Variants in RBFOX1 observed in about 807,000 individuals in gnomAD.
The protein encoded by RBFOX1 is RNA binding protein fox-1 homolog 1.
In RBFOX1, 8 loss-of-function variants were observed where a neutral mutation model predicts 57.7. The ratio of observed to expected loss-of-function variants is 0.14; its 90% CI spans 0.08 to 0.25. RBFOX1 has a LOEUF of 0.25. Among genes scored for constraint, RBFOX1 ranks in the 10% least tolerant of loss-of-function variants. The pLI, the probability that RBFOX1 is intolerant of heterozygous loss-of-function variation, is 1.00. For synonymous variants in RBFOX1, 326 were observed against 222.4 expected (o/e 1.47, Z -4.15); for missense variants, 611 against 548.5 (o/e 1.11, Z -1.14).
chr16:5,496,998 ATTTT>A, intron 2 of RBFOX1, among the ~76,000 whole-genome samples: 1 of 151,894 alleles, frequency 6.6e-6, no homozygotes, highest in African/African-American at 2.4e-5. Context: ...GTTAAAAAGA[ATTTT>A]TTTTTCAGGG....
intron 2 of RBFOX1, among the ~76,000 whole-genome samples, chr16:5,543,243 A>G (rs1450534328): frequency 6.6e-6 from 1 of 152,210 alleles, no homozygotes; most frequent in Non-Finnish European, 1.5e-5. Context: ...GAGTAGAAAC[A>G]TGTATCAGTT....
intron 2 of RBFOX1, among the ~76,000 whole-genome samples, chr16:6,544,202 T>C (rs1033721332): frequency 1.3e-5 from 2 of 152,152 alleles, no homozygotes; most frequent in African/African-American, 4.8e-5. Context: ...GAACAGGCAT[T>C]CACTTTATGG....
At chr16:6,073,307 T>G (rs1379700491) in intron 1 of RBFOX1, among the ~76,000 whole-genome samples, 3 of 152,190 alleles carry the variant, frequency 2.0e-5, no homozygotes, top group African/African-American at 7.2e-5. Flanking sequence ...AATTGAGGTT[T>G]TTGCCAAATA....
At chr16:6,232,478 A>G (rs183154452) in intron 1 of RBFOX1, among the ~76,000 whole-genome samples, 1 of 152,242 alleles carries the variant, frequency 6.6e-6, no homozygotes, top group Admixed American at 6.5e-5. Flanking sequence ...TGATTTTACA[A>G]CTGGATTTCA....
intron 3 of RBFOX1, among the ~76,000 whole-genome samples, chr16:6,883,825 CT>C (rs1176939592): frequency 2.0e-5 from 3 of 150,936 alleles, no homozygotes; most frequent in African/African-American, 7.3e-5. Flanking sequence ...ATTATTATCT[CT>C]TTTTTCCCCC....
intron 3 of RBFOX1, among the ~76,000 whole-genome samples, chr16:6,735,706 A>G (rs892778625): frequency 1.3e-5 from 2 of 152,116 alleles, no homozygotes; most frequent in African/African-American, 4.8e-5. Flanking sequence ...TCCCCTAGAA[A>G]CTGAATTTGG....
intron 5 of RBFOX1, among the ~76,000 whole-genome samples, chr16:7,526,344 C>G (rs1225207297): frequency 6.6e-6 from 1 of 152,182 alleles, no homozygotes; most frequent in Non-Finnish European, 1.5e-5. Flanking sequence ...TGGCTGCCCT[C>G]TAGCTTAGAC....
At chr16:5,731,500 G>T (rs2052372534) in intron 3 of RBFOX1, among the ~76,000 whole-genome samples, 2 of 152,208 alleles carry the variant, frequency 1.3e-5, no homozygotes, top group South Asian at 4.1e-4. Context: ...ACCCAGATGA[G>T]TAGGAGGGGC....
At chr16:6,692,508 A>G (rs1022261144) in intron 3 of RBFOX1, among the ~76,000 whole-genome samples, 2 of 152,190 alleles carry the variant, frequency 1.3e-5, no homozygotes, top group Non-Finnish European at 2.9e-5. Context: ...AGAAACAAAC[A>G]GCATGTGTCG....
intron 4 of RBFOX1, among the ~76,000 whole-genome samples, chr16:5,902,541 G>C (rs1035215726): frequency 2.3e-4 from 35 of 152,020 alleles, no homozygotes; most frequent in African/African-American, 8.4e-4. Flanking sequence ...CCAGCCACCC[G>C]AGTAGCTGGG....
At chr16:5,378,963 A>G (rs2066061755) in intron 1 of RBFOX1, among the ~76,000 whole-genome samples, 1 of 151,644 alleles carries the variant, frequency 6.6e-6, no homozygotes, top group African/African-American at 2.4e-5. Context: ...TCTGCTGCCA[A>G]TAATCTTTCC....
chr16:7,641,544 C>T (rs2062794821), intron 11 of RBFOX1, among the ~76,000 whole-genome samples: 1 of 152,114 alleles, frequency 6.6e-6, no homozygotes, highest in African/African-American at 2.4e-5. Flanking sequence ...CTCTTGATGC[C>T]TAATACTTTT....
At chr16:7,637,258 A>T (rs2143003791) in intron 11 of RBFOX1, among the ~76,000 whole-genome samples, 1 of 137,910 alleles carries the variant, frequency 7.3e-6, no homozygotes. Flanking sequence ...TCACCCTGAT[A>T]CCCTTCCCTC....
intron 1 of RBFOX1, among the ~76,000 whole-genome samples, chr16:5,456,275 A>T (rs116103313): frequency 6.6e-6 from 1 of 152,154 alleles, no homozygotes; most frequent in African/African-American, 2.4e-5. Flanking sequence ...CATTTAACCA[A>T]TCCTCAAATG....
At chr16:7,043,421 G>A (rs536046152) in intron 3 of RBFOX1, among the ~76,000 whole-genome samples, 1 of 152,286 alleles carries the variant, frequency 6.6e-6, no homozygotes, top group East Asian at 1.9e-4. Context: ...GAGTACATAT[G>A]TCAAATGTGT....
At chr16:6,031,707 C>T (rs1298671922) in intron 1 of RBFOX1, among the ~76,000 whole-genome samples, 1 of 152,204 alleles carries the variant, frequency 6.6e-6, no homozygotes, top group South Asian at 2.1e-4. Flanking sequence ...GAGCCACGAA[C>T]AGTATGACAG....
At chr16:6,679,832 C>G (rs111837272) in intron 3 of RBFOX1, among the ~76,000 whole-genome samples, 45 of 148,086 alleles carry the variant, frequency 3.0e-4, no homozygotes, top group African/African-American at 1.1e-3. Flanking sequence ...CAGAGAAAGG[C>G]TAAACAAACA....
intron 7 of RBFOX1, among the ~76,000 whole-genome samples, chr16:7,591,786 TCTC>T (rs1204000484): frequency 6.6e-6 from 1 of 152,172 alleles, no homozygotes; most frequent in Non-Finnish European, 1.5e-5. Flanking sequence ...CTTGTTTTGT[TCTC>T]CTTTTTAAGG....
At chr16:5,692,197 GTGTGTGTGTGTGTGTGTT>G (rs1408857869) in intron 3 of RBFOX1, among the ~76,000 whole-genome samples, 1,990 of 149,272 alleles carry the variant, frequency 0.013, 52 homozygotes, top group African/African-American at 0.049. Flanking sequence ...GTGTGTGTGT[GTGTGTGTGTGTGTGTGTT>G]TGTGTTTCAC....
Sources: gnomAD v4.1 joint callset for allele counts (sites outside exome capture counted in the v4.1 genomes callset) on GRCh38, gnomAD v4.1.1 for gene constraint, MANE v1.5 for transcripts, NCBI Gene and HGNC (gene_info 2026-07-23, HGNC 2026-07-21) for gene names.